Variants in SHISA9 observed in about 807,000 individuals in gnomAD.
The protein encoded by SHISA9 is protein shisa-9.
A neutral mutation model predicts 38.0 loss-of-function variants in SHISA9; 13 were observed. The observed-to-expected ratio is 0.34, with a 90% confidence interval of 0.22 to 0.54. The LOEUF (loss-of-function observed/expected upper bound fraction) is 0.54. Ranked by LOEUF, SHISA9 falls within the 20% of genes least tolerant of loss-of-function variation. SHISA9 has a pLI of 0.91. For missense variants in SHISA9, 538 were observed against 575.8 expected, an observed-to-expected ratio of 0.93 and a Z score of 0.67; for synonymous variants, 275 against 242.0, an observed-to-expected ratio of 1.14 and a Z score of -1.27.
chr16:13,520,388 G>A, the SHISA9 span, among the ~76,000 whole-genome samples: 1 of 151,760 alleles, frequency 6.6e-6, no homozygotes, highest in Non-Finnish European at 1.5e-5. Context: ...TCACGAGGTT[G>A]AGAGATCGAG....
chr16:13,068,869 G>GCGTA (rs58393409), intron 2 of SHISA9, among the ~76,000 whole-genome samples: 9 of 150,914 alleles, frequency 6.0e-5, no homozygotes, highest in African/African-American at 1.7e-4. Flanking sequence ...CATGCAATGT[G>GCGTA]TGTATGTGTA....
At chr16:13,162,939 T>C (rs1391033247) in intron 2 of SHISA9, among the ~76,000 whole-genome samples, 3 of 152,184 alleles carry the variant, frequency 2.0e-5, no homozygotes, top group African/African-American at 7.2e-5. Flanking sequence ...TTAGTCCTAA[T>C]TCTTAAGCTA....
chr16:13,050,897 G>A (rs535995222), intron 2 of SHISA9, among the ~76,000 whole-genome samples: 7 of 152,288 alleles, frequency 4.6e-5, no homozygotes, highest in Admixed American at 6.5e-5. Flanking sequence ...CCATGTTGCT[G>A]TCCTGGGTAA....
At chr16:12,924,714 C>T (rs1160646515) in intron 2 of SHISA9, among the ~76,000 whole-genome samples, 1 of 152,084 alleles carries the variant, frequency 6.6e-6, no homozygotes, top group Non-Finnish European at 1.5e-5. Flanking sequence ...ATTGGTTTTT[C>T]TCTTGAGGTA....
the SHISA9 span, among the ~76,000 whole-genome samples, chr16:13,389,042 C>A: frequency 7.2e-5 from 11 of 152,138 alleles, no homozygotes; most frequent in Non-Finnish European, 1.3e-4. Flanking sequence ...CCCACCAGAG[C>A]GGCACGTCTG....
chr16:13,184,296 T>C (rs1476410731), intron 2 of SHISA9, among the ~76,000 whole-genome samples: 1 of 152,226 alleles, frequency 6.6e-6, no homozygotes, highest in African/African-American at 2.4e-5. Flanking sequence ...TGTTTGAGCC[T>C]ATCTTCTGCA....
chr16:13,068,868 T>TGC (rs201329737), intron 2 of SHISA9, among the ~76,000 whole-genome samples: 10,394 of 150,966 alleles, frequency 0.069, 754 homozygotes, highest in African/African-American at 0.18. Context: ...ACATGCAATG[T>TGC]GTGTATGTGT....
intron 2 of SHISA9, among the ~76,000 whole-genome samples, chr16:13,127,474 T>C (rs948890378): frequency 6.9e-6 from 1 of 144,772 alleles, no homozygotes; most frequent in African/African-American, 2.6e-5. Context: ...GAGAAACAAG[T>C]AAAAGAGGAA....
chr16:12,986,822 G>C (rs1475235625), intron 2 of SHISA9, among the ~76,000 whole-genome samples: 1 of 152,220 alleles, frequency 6.6e-6, no homozygotes, highest in Non-Finnish European at 1.5e-5. Flanking sequence ...AAAATACTGA[G>C]GCTTAGAGAG....
At chr16:13,058,822 G>A (rs2073340401) in intron 2 of SHISA9, among the ~76,000 whole-genome samples, 1 of 151,596 alleles carries the variant, frequency 6.6e-6, no homozygotes, top group Admixed American at 6.6e-5. Flanking sequence ...CCATAGCTAG[G>A]GATCCAGGCA....
the SHISA9 span, among the ~76,000 whole-genome samples, chr16:13,403,073 C>T: frequency 2.0e-5 from 3 of 150,840 alleles, no homozygotes; most frequent in African/African-American, 4.9e-5. Flanking sequence ...CACTGCACTC[C>T]AGCCTGGGGG....
the SHISA9 span, among the ~76,000 whole-genome samples, chr16:13,334,516 C>T: frequency 3.3e-5 from 5 of 152,170 alleles, no homozygotes; most frequent in South Asian, 2.1e-4. Flanking sequence ...GGCTCATGCC[C>T]GTAGTCCCAA....
chr16:13,022,302 C>T (rs963104154), intron 2 of SHISA9, among the ~76,000 whole-genome samples: 2 of 151,762 alleles, frequency 1.3e-5, no homozygotes, highest in African/African-American at 4.8e-5. Context: ...CAGGCATGCA[C>T]CACAAGGTCT....
intron 2 of SHISA9, among the ~76,000 whole-genome samples, chr16:13,050,011 A>C (rs1016945316): frequency 1.3e-5 from 2 of 152,212 alleles, no homozygotes; most frequent in Non-Finnish European, 1.5e-5. Context: ...TTTTCTAAAG[A>C]AATCATCTTG....
intron 1 of SHISA9, chr16:12,902,931 G>A (rs3843707): frequency 0.53 from 175,715 of 331,342 alleles, 48,097 homozygotes; most frequent in East Asian, 0.66. Flanking sequence ...CTTGAGACAC[G>A]TAGCCTGGGA....
intron 2 of SHISA9, among the ~76,000 whole-genome samples, chr16:13,190,902 TA>T (rs1412160807): frequency 6.6e-6 from 1 of 152,314 alleles, no homozygotes; most frequent in East Asian, 1.9e-4. Context: ...TTTATGATTA[TA>T]TATGTGTTTT....
the SHISA9 span, among the ~76,000 whole-genome samples, chr16:13,281,608 T>C: frequency 6.6e-6 from 1 of 151,496 alleles, no homozygotes; most frequent in South Asian, 2.1e-4. Context: ...TAAATGTCTT[T>C]TAGCAATTTA....
At chr16:13,079,906 G>C (rs1003466809) in intron 2 of SHISA9, among the ~76,000 whole-genome samples, 1 of 152,076 alleles carries the variant, frequency 6.6e-6, no homozygotes, top group Non-Finnish European at 1.5e-5. Flanking sequence ...ACCTTCTTGT[G>C]GTGTTAACAC....
At chr16:13,486,394 T>A in the SHISA9 span, among the ~76,000 whole-genome samples, 2 of 152,206 alleles carry the variant, frequency 1.3e-5, no homozygotes, top group Non-Finnish European at 2.9e-5. Context: ...CTTCCAAGAA[T>A]AATCCTAGTA....
Sources: gnomAD v4.1 joint callset for allele counts (sites outside exome capture counted in the v4.1 genomes callset) on GRCh38, gnomAD v4.1.1 for gene constraint, MANE v1.5 for transcripts, NCBI Gene and HGNC (gene_info 2026-07-23, HGNC 2026-07-21) for gene names.